The following ACACA variants were observed in gnomAD, a reference collection of about 807,000 sequenced individuals.
The protein encoded by ACACA is acetyl-CoA carboxylase 1.
ACACA carries 103 observed loss-of-function variants against 296.1 expected under a neutral mutation model. That is an observed-to-expected ratio of 0.35 (90% CI 0.30 to 0.41). ACACA has a LOEUF of 0.41. Among genes scored for constraint, ACACA ranks in the 10% least tolerant of loss-of-function variants. ACACA has a pLI of 1.00. For missense variants in ACACA, 1,554 were observed against 2,989.7 expected, an observed-to-expected ratio of 0.52 and a Z score of 11.20; for synonymous variants, 953 against 1,038.6, an observed-to-expected ratio of 0.92 and a Z score of 1.58.
intron 1 of ACACA, among the ~76,000 whole-genome samples, chr17:37,344,399 A>AAT (rs2048522173): frequency 6.6e-6 from 1 of 151,950 alleles, no homozygotes; most frequent in Non-Finnish European, 1.5e-5. Context: ...CTCTACTAAA[A>AAT]ACACAAAAAT....
intron 5 of ACACA, among the ~76,000 whole-genome samples, 163 bp downstream of exon 5, chr17:37,283,104 A>G (rs548779019): frequency 2.4e-4 from 36 of 152,338 alleles, no homozygotes; most frequent in African/African-American, 8.2e-4. Context: ...TCATTTTTAT[A>G]TGTCTATTAC....
At chr17:37,191,694 G>C (rs1184568002) in intron 37 of ACACA, among the ~76,000 whole-genome samples, 1 of 152,078 alleles carries the variant, frequency 6.6e-6, no homozygotes, top group African/African-American at 2.4e-5. Flanking sequence ...TTCTAGACAG[G>C]TGTACAATGG....
At chr17:37,326,237 T>A (rs1217898670) in intron 3 of ACACA, among the ~76,000 whole-genome samples, 1 of 138,644 alleles carries the variant, frequency 7.2e-6, no homozygotes, top group South Asian at 2.3e-4. Flanking sequence ...ATGGCCAGGG[T>A]CAGGCATAGG....
intron 1 of ACACA, chr17:37,388,595 T>G: frequency 6.6e-7 from 1 of 1,505,028 alleles, no homozygotes; most frequent in Non-Finnish European, 9.1e-7. Flanking sequence ...CCAGAAGAAC[T>G]TCAGGTCAAA....
chr17:37,125,643 C>G, intron 48 of ACACA, 55 bp downstream of exon 48: 1 of 1,423,484 alleles, frequency 7.0e-7, no homozygotes, highest in South Asian at 1.2e-5. Flanking sequence ...ATGGCTCTTT[C>G]TTTCTTATTT....
rs17848783 is a variant in ACACA, at chr17:37,122,705, A to G, written c.6042-78T>C. 1,495 of 1,241,442 alleles carry G rather than the reference A, an allele frequency of 1.2e-3. 20 individuals carry two copies. The East Asian group carries it at 0.031, about 25-fold the overall frequency. The allele number at this position is 1,241,442 out of a possible 1,614,324, so 76.9% of individuals were successfully genotyped here. A position where few individuals can be genotyped will look rare whatever the true frequency, so the allele number is the denominator to read the frequency against. Reference sequence around the variant, plus strand: ...GCCATTTGTTTTCCAATCCCAAATCAAGACATTGGGGAAAAAACTAGAAAC... The same window carrying G: ...GCCATTTGTTTTCCAATCCCAAATCGAGACATTGGGGAAAAAACTAGAAAC... On this transcript the variant is annotated intron_variant, in intron 48 of 55. Coordinates refer to ENST00000616317, the MANE Select transcript of ACACA (RefSeq NM_198834.3).
At chr17:37,239,081 G>A (rs1377422352) in intron 24 of ACACA, among the ~76,000 whole-genome samples, 2 of 152,036 alleles carry the variant, frequency 1.3e-5, no homozygotes, top group African/African-American at 4.8e-5. Flanking sequence ...CTCCTGTCCT[G>A]GCCTCCCAAA....
At chr17:37,268,720 T>C (rs1231970268) in intron 10 of ACACA, among the ~76,000 whole-genome samples, 3 of 109,328 alleles carry the variant, frequency 2.7e-5, no homozygotes, top group East Asian at 4.1e-4. Flanking sequence ...TCTATATCTA[T>C]CTATCTATCT....
At chr17:37,206,619 T>C (rs2145383405) in intron 32 of ACACA, among the ~76,000 whole-genome samples, 164 bp downstream of exon 32, 1 of 152,304 alleles carries the variant, frequency 6.6e-6, no homozygotes. Flanking sequence ...TATATTCCAC[T>C]TGTTTCCAGA....
chr17:37,174,020 A>ATATATATATATATATTT (rs552735515), intron 41 of ACACA, among the ~76,000 whole-genome samples: 1 of 16,794 alleles, frequency 6.0e-5, no homozygotes, highest in Non-Finnish European at 9.9e-5. Flanking sequence ...ATATATATAT[A>ATATATATATATATATTT]TTTTTTTTTT....
intron 16 of ACACA, among the ~76,000 whole-genome samples, chr17:37,249,512 A>G (rs2080878737): frequency 1.3e-5 from 2 of 152,172 alleles, no homozygotes; most frequent in African/African-American, 4.8e-5. Flanking sequence ...GTACTTGCCA[A>G]TACTTGCTAT....
At chr17:37,253,104 C>T in intron 14 of ACACA, 68 bp from the exon 15 acceptor site, 1 of 1,610,480 alleles carries the variant, frequency 6.2e-7, no homozygotes, top group East Asian at 2.2e-5. Context: ...TTTTAAAGAT[C>T]TGTTTGGCCA....
chr17:37,116,906 G>A (rs1260997736), intron 50 of ACACA, among the ~76,000 whole-genome samples: 1 of 152,214 alleles, frequency 6.6e-6, no homozygotes, highest in African/African-American at 2.4e-5. Context: ...TGCACGTGCT[G>A]TCAATTCTCA....
At position 37,268,325 on chromosome 17, in the gene ACACA, A is replaced by G. The variant is rs144542596; in HGVS notation, c.1119+2426T>C. On this transcript the variant is annotated intron_variant, in intron 10 of 55. Coordinates refer to ENST00000616317, the MANE Select transcript of ACACA (RefSeq NM_198834.3). ...GAAAGGATTTACATTTGCTTCCTGC[A>G]GGTGTCTAGAAGCACTAGCAATCCT... Among the ~76,000 whole-genome samples the G allele has an allele frequency of 6.5e-3, 996 of 152,346 alleles. 7 individuals carry two copies. The highest frequency in any genetic ancestry group is 0.048 in the Middle Eastern group (14 of 292).
chr17:37,213,662 G>C (rs1395233484), intron 29 of ACACA, among the ~76,000 whole-genome samples: 1 of 152,174 alleles, frequency 6.6e-6, no homozygotes, highest in African/African-American at 2.4e-5. Flanking sequence ...CTCCAAGTTA[G>C]CATTCCACAT....
intron 3 of ACACA, chr17:37,299,444 C>A: frequency 6.3e-7 from 1 of 1,587,142 alleles, no homozygotes; most frequent in South Asian, 1.1e-5. Context: ...ACAAGAGATA[C>A]TGTGCCTTCT....
chr17:37,401,439 CG>C (rs1057101901), intron 1 of ACACA, among the ~76,000 whole-genome samples: 7 of 151,884 alleles, frequency 4.6e-5, no homozygotes, highest in Non-Finnish European at 8.8e-5. Flanking sequence ...GTGATCCACC[CG>C]CCTCGGCCTC....
chr17:37,103,045 G>A, intron 52 of ACACA, among the ~76,000 whole-genome samples: 1 of 152,128 alleles, frequency 6.6e-6, no homozygotes, highest in East Asian at 1.9e-4. Flanking sequence ...AAGGATTTGT[G>A]TGCTTTGTTT....
At chr17:37,377,862 C>G (rs779438195) in intron 1 of ACACA, 1 of 1,607,936 alleles carries the variant, frequency 6.2e-7, no homozygotes. Flanking sequence ...CCCTCCTCCC[C>G]CTCTGCTCAC....
Sources: gnomAD v4.1 joint callset for allele counts (sites outside exome capture counted in the v4.1 genomes callset) on GRCh38, gnomAD v4.1.1 for gene constraint, MANE v1.5 for transcripts, NCBI Gene and HGNC (gene_info 2026-07-23, HGNC 2026-07-21) for gene names.